The following ARID3A variants were observed in gnomAD, a reference collection of about 807,000 sequenced individuals.
The protein encoded by ARID3A is AT-rich interaction domain 3A.
In ARID3A, 11 loss-of-function variants were observed where a neutral mutation model predicts 52.7. That is an observed-to-expected ratio of 0.21 (90% CI 0.13 to 0.35). The LOEUF is 0.35. Ranked by LOEUF, ARID3A falls within the 10% of genes least tolerant of loss-of-function variation. The pLI, the probability that ARID3A is intolerant of heterozygous loss-of-function variation, is 1.00. For synonymous variants in ARID3A, 404 were observed against 359.4 expected (o/e 1.12, Z -1.40); for missense variants, 721 against 838.5 (o/e 0.86, Z 1.73).
chr19:926,060 G>C lies in ARID3A; in HGVS notation c.-268+1G>C, dbSNP rs1180724337. 6.7e-6 allele frequency: 1 copy of C among 148,682 alleles called. No individual in the cohort carries two copies. The highest frequency in any genetic ancestry group is 1.5e-5 in the Non-Finnish European group (1 of 66,644). 9.2% of individuals were successfully genotyped at this position (148,682 alleles called of 1,614,324 possible). On this transcript the variant is annotated splice_donor_variant, in intron 1 of 8. Transcript: ENST00000263620. LOFTEE classifies it low-confidence loss of function (5UTR_SPLICE). ...AGACGCGGACGCGGCTGGCGGCTCGGTGAGTCGGCGCGCGGCACAGCCCCG... is the reference window on the plus strand; with the variant it reads ...AGACGCGGACGCGGCTGGCGGCTCGCTGAGTCGGCGCGCGGCACAGCCCCG...
At chr19:930,095 C>A (rs2037289729) in intron 2 of ARID3A, among the ~76,000 whole-genome samples, 199 bp downstream of exon 2, 1 of 152,094 alleles carries the variant, frequency 6.6e-6, no homozygotes, top group Admixed American at 6.6e-5. Context: ...AAGACCCCAT[C>A]TCCGCAAAAA....
chr19:961,240 C>T (rs2038034792), intron 4 of ARID3A, among the ~76,000 whole-genome samples: 1 of 152,158 alleles, frequency 6.6e-6, no homozygotes. Context: ...CCTCCGCCCA[C>T]CCCTCCCCTG....
chr19:928,854 G>C (rs1172675767), intron 1 of ARID3A: 1 of 152,156 alleles, frequency 6.6e-6, no homozygotes, highest in Non-Finnish European at 1.5e-5. Context: ...GGCCTGAGAT[G>C]GGAGGATACC....
chr19:972,787 G>C lies in ARID3A; in HGVS notation c.*722G>C, dbSNP rs987443282. ...CTTCAGGGAAACTGGTCTTGAAAAA[G>C]CAAGAAAAAAAAGCAAAAAAAAAAA... is the stretch of plus-strand genomic sequence containing the variant. On this transcript the variant is annotated 3_prime_UTR_variant, in exon 9 of 9. Transcript: ENST00000263620. The C allele has an allele frequency of 9.7e-5, 5 of 51,716 alleles. No individual in the cohort carries two copies. Among genetic ancestry groups the C allele is most frequent in the East Asian group, 2.9e-4 (1 of 3,484 alleles). 3.2% of individuals were successfully genotyped at this position (51,716 alleles called of 1,614,324 possible). A position where few individuals can be genotyped will look rare whatever the true frequency, so the allele number is the denominator to read the frequency against.
rs1177172621 is a variant in ARID3A, at chr19:975,508, C to T, written c.*3443C>T. The T allele has an allele frequency of 1.8e-5, 4 of 221,630 alleles. No individual in the cohort carries two copies. The Admixed American group carries it at 2.3e-4, about 13-fold the overall frequency. The allele number at this position is 221,630 out of a possible 1,614,324, so 13.7% of individuals were successfully genotyped here. A position where few individuals can be genotyped will look rare whatever the true frequency, so the allele number is the denominator to read the frequency against. On this transcript the variant is annotated 3_prime_UTR_variant, in exon 9 of 9. Transcript: ENST00000263620. ...TTTCCTTGGCAAATGTAAACTCAGC[C>T]TTTCATTCATGACGTGTGAAATTTC...
chr19:930,686 T>C (rs1014114896), intron 2 of ARID3A, among the ~76,000 whole-genome samples: 1 of 146,998 alleles, frequency 6.8e-6, no homozygotes, highest in African/African-American at 2.7e-5. Context: ...ACTTTTTGTA[T>C]TTTTAGTAGA....
chr19:931,713 T>G (rs2037332368), intron 2 of ARID3A, among the ~76,000 whole-genome samples: 1 of 150,572 alleles, frequency 6.6e-6, no homozygotes, highest in South Asian at 2.1e-4. Context: ...CTTGGGAGGC[T>G]GAGGCAGGAG....
chr19:965,796 A>C (rs1053603650), intron 6 of ARID3A, among the ~76,000 whole-genome samples: 1 of 151,730 alleles, frequency 6.6e-6, no homozygotes, highest in African/African-American at 2.4e-5. Context: ...GTTTGAGACC[A>C]GCCTAATCAA....
intron 4 of ARID3A, among the ~76,000 whole-genome samples, chr19:963,688 A>G (rs1263381204): frequency 1.3e-5 from 2 of 152,052 alleles, no homozygotes; most frequent in Non-Finnish European, 2.9e-5. Context: ...TCCCTGGCAT[A>G]GCGTAGCCCA....
intron 3 of ARID3A, among the ~76,000 whole-genome samples, chr19:933,592 C>T (rs765138745): frequency 5.3e-5 from 8 of 152,128 alleles, no homozygotes; most frequent in East Asian, 1.9e-4. Context: ...ATGCCTGCCT[C>T]GGGGCAGCCC....
intron 4 of ARID3A, among the ~76,000 whole-genome samples, chr19:964,000 G>T (rs1189607470): frequency 1.3e-5 from 2 of 152,222 alleles, no homozygotes; most frequent in East Asian, 3.8e-4. Flanking sequence ...GGGCTGCGCT[G>T]TCCCTAAGCC....
intron 8 of ARID3A, among the ~76,000 whole-genome samples, chr19:969,072 G>T (rs1244180809): frequency 6.6e-6 from 1 of 151,984 alleles, no homozygotes; most frequent in African/African-American, 2.4e-5. Flanking sequence ...CACAGACCGA[G>T]ACCCTGTCTC....
At chr19:939,644 G>A (rs1471700363) in intron 3 of ARID3A, among the ~76,000 whole-genome samples, 2 of 152,054 alleles carry the variant, frequency 1.3e-5, no homozygotes, top group East Asian at 1.9e-4. Flanking sequence ...CGCTGCCTTC[G>A]AGGAGCTGTT....
rs1274534675 is a variant in ARID3A at position 944,349 on chromosome 19, T to A, written c.693+11607T>A. Among the ~76,000 whole-genome samples the A allele has an allele frequency of 6.6e-6, 1 of 151,908 alleles. No homozygotes were observed. The highest frequency in any genetic ancestry group is 1.5e-5 in the Non-Finnish European group (1 of 67,954). On this transcript the variant is annotated intron_variant, in intron 3 of 8. Coordinates refer to ENST00000263620, the MANE Select transcript of ARID3A (RefSeq NM_005224.3). The surrounding 1 kb of genome is among the most constrained non-coding windows in gnomAD (Gnocchi z 5.9). Reference sequence around the variant, plus strand: ...GGGTGTGTGTGTGTGTGTGTGTGTGTCTGCGTGGGAGTGTCTGGCTGTGTG... The same window carrying A: ...GGGTGTGTGTGTGTGTGTGTGTGTGACTGCGTGGGAGTGTCTGGCTGTGTG...
rs1051621995 is a variant in ARID3A, at chr19:972,345, A to T, written c.*280A>T. On this transcript the variant is annotated 3_prime_UTR_variant, in exon 9 of 9. Transcript: ENST00000263620. ...ACATTCAGAGAGATGAATTGTGAGA[A>T]CAGCAAAGAAATCCATCAGAAAAAC... The T allele has an allele frequency of 9.4e-6, 2 of 213,752 alleles. No homozygotes were observed. Among genetic ancestry groups the T allele is most frequent in the African/African-American group, 4.6e-5 (2 of 43,934 alleles). 13.2% of individuals were successfully genotyped at this position (213,752 alleles called of 1,614,324 possible). A position where few individuals can be genotyped will look rare whatever the true frequency, so the allele number is the denominator to read the frequency against.
At position 947,873 on chromosome 19, in the gene ARID3A, G is replaced by T. The variant is rs968180123; in HGVS notation, c.694-12219G>T. On this transcript the variant is annotated intron_variant, in intron 3 of 8. Transcript: ENST00000263620. This position sits in a 1 kb window ranked among gnomAD's most constrained non-coding sequence, Gnocchi z 6.3. ...CACTTCCCCAATTTCCCCACGCCCG[G>T]CGGGGCTCTCAGCATCTGCATCCGC... Among the ~76,000 whole-genome samples, 24 of 152,218 alleles carry T rather than the reference G, an allele frequency of 1.6e-4. No homozygotes were observed. The highest frequency in any genetic ancestry group is 4.6e-4 in the Admixed American group (7 of 15,286).
chr19:932,091 G>C (rs1599382646), intron 2 of ARID3A, among the ~76,000 whole-genome samples: 1 of 152,192 alleles, frequency 6.6e-6, no homozygotes, highest in South Asian at 2.1e-4. Context: ...CATCTCCTGG[G>C]CTCAAGGGAT....
Position 972,891 on chromosome 19 carries a change from G to C in ARID3A, c.*826G>C, listed in dbSNP as rs2038310446. ...TCCCTTTGTCCATTTCTGGGGGTGC[G>C]TTGGGCAGCTGTGAGCCCAGCACAT... On this transcript the variant is annotated 3_prime_UTR_variant, in exon 9 of 9. Coordinates refer to ENST00000263620, the MANE Select transcript of ARID3A (RefSeq NM_005224.3). The C allele has an allele frequency of 5.2e-6, 1 of 193,458 alleles. No homozygotes were observed. The highest frequency in any genetic ancestry group is 2.4e-5 in the African/African-American group (1 of 41,922). The allele number at this position is 193,458 out of a possible 1,614,324, so 12.0% of individuals were successfully genotyped here.
At chr19:958,707 C>A (rs2037976584) in intron 3 of ARID3A, among the ~76,000 whole-genome samples, 1 of 151,654 alleles carries the variant, frequency 6.6e-6, no homozygotes, top group Non-Finnish European at 1.5e-5. Flanking sequence ...TCCTGGCTAA[C>A]ACGGTGAAGC....
Sources: allele counts gnomAD v4.1 joint callset (sites outside exome capture counted in the v4.1 genomes callset), GRCh38; gene constraint gnomAD v4.1.1; non-coding constraint Gnocchi (gnomAD v3.1); transcripts MANE v1.5; gene names NCBI Gene and HGNC (gene_info 2026-07-23, HGNC 2026-07-21).